Variants in TKFC observed in about 807,000 individuals in gnomAD.
The protein encoded by TKFC is triokinase and FMN cyclase, also known as triokinase/FMN cyclase.
A neutral mutation model predicts 61.0 loss-of-function variants in TKFC; 46 were observed. The observed-to-expected ratio is 0.75, with a 90% CI of 0.60 to 0.96. The LOEUF is 0.96. Among genes scored for constraint, TKFC ranks in the 50% least tolerant of loss-of-function variants. TKFC has a pLI of 0.00. For synonymous variants in TKFC, 314 were observed against 330.1 expected (o/e 0.95, Z 0.53); for missense variants, 715 against 777.5 (o/e 0.92, Z 0.96).
intron 15 of TKFC, 37 bp from the exon 16 acceptor site, chr11:61,345,675 C>T: frequency 6.2e-7 from 1 of 1,614,172 alleles, no homozygotes; most frequent in Non-Finnish European, 8.5e-7. Flanking sequence ...CCCTTGGTTC[C>T]CTATAGTGAG....
chr11:61,339,306 C>T lies in TKFC; in HGVS notation c.357C>T (p.Gly119=). 1 of 1,613,882 alleles carries T rather than the reference C, an allele frequency of 6.2e-7. No individual in the cohort carries two copies. Among genetic ancestry groups the T allele is most frequent in the Non-Finnish European group, 8.5e-7 (1 of 1,179,996 alleles). The change falls in exon 5 of 18, where the codon GGC becomes GGT. Residue 119 remains glycine (G), a synonymous_variant. Coordinates refer to ENST00000394900, the MANE Select transcript of TKFC (RefSeq NM_015533.4). ...ACACTGGGGATCGGCTCAACTTCGG[C>T]CTGGCCCGGGAGCAGGCCCGGGCTG... ...KNYTGDRLNF[G]LAREQARAEG...
chr11:61,348,335 C>T lies in TKFC; in HGVS notation c.*1832C>T. 1 of 889,784 alleles carries T rather than the reference C, an allele frequency of 1.1e-6. No individual in the cohort carries two copies. The highest frequency in any genetic ancestry group is 5.6e-5 in the South Asian group (1 of 17,992). The allele number at this position is 889,784 out of a possible 1,614,324, so 55.1% of individuals were successfully genotyped here. A position where few individuals can be genotyped will look rare whatever the true frequency, so the allele number is the denominator to read the frequency against. On this transcript the variant is annotated 3_prime_UTR_variant, in exon 18 of 18. Transcript: ENST00000394900. ...TGAGCTGCATGTGAATCCACACATG[C>T]CATTCCATGAAGACAGAGGATCATG...
At chr11:61,340,794 C>T (rs148015707) in intron 5 of TKFC, among the ~76,000 whole-genome samples, 1 of 152,318 alleles carries the variant, frequency 6.6e-6, no homozygotes, top group Non-Finnish European at 1.5e-5. Flanking sequence ...CTAACTCCTA[C>T]CATTCTACAG....
At chr11:61,334,841 C>A in intron 2 of TKFC, 110 bp downstream of exon 2, 2 of 1,486,974 alleles carry the variant, frequency 1.3e-6, no homozygotes. Context: ...CTATTGCCTC[C>A]TGAGGCTCAC....
Position 61,343,437 on chromosome 11 carries a change from G to A in TKFC, c.961G>A (p.Glu321Lys), listed in dbSNP as rs146663960. The stretch of plus-strand genomic sequence containing the variant: ...TTCTCTCACCCTCCTGCTGGTGGAT[G>A]AGCCTCTCCTGAAACTGATAGGTGA... ...GISLTLLLVD[E>K]PLLKLIDAET... The change falls in exon 11 of 18, where the codon GAG (glutamate) becomes AAG (lysine). Residue 321 changes from glutamate to lysine, a missense_variant. Glu to Lys is a moderately conservative substitution (Grantham distance 56). Transcript: ENST00000394900. 134 of 1,614,040 alleles carry A rather than the reference G, an allele frequency of 8.3e-5. No homozygotes were observed. Among genetic ancestry groups the A allele is most frequent in the Non-Finnish European group, 1.1e-4 (130 of 1,180,022 alleles).
rs76378932 is a variant in TKFC at position 61,337,905 on chromosome 11, C to G, written c.4-36C>G. 7.3e-4 allele frequency: 1,147 copies of G among 1,571,276 alleles called. 9 individuals are homozygous for G. The African/African-American group carries it at 0.014, about 19-fold the overall frequency. On this transcript the variant is annotated intron_variant, in intron 2 of 17. Transcript: ENST00000394900. Reference sequence around the variant, plus strand: ...CGCAGGATGGGGGTATCTGTACTGACCACATTCTGACCTCCTTCTCACTCC... The same window carrying G: ...CGCAGGATGGGGGTATCTGTACTGAGCACATTCTGACCTCCTTCTCACTCC...
chr11:61,347,425 C>T lies in TKFC; in HGVS notation c.*922C>T. On this transcript the variant is annotated 3_prime_UTR_variant, in exon 18 of 18. Coordinates refer to ENST00000394900, the MANE Select transcript of TKFC (RefSeq NM_015533.4). ...GGCATAGTAGTGTGTGCCTATAGTC[C>T]TAACTTGGGAGGCTGAGTTGGGAGG... is the stretch of plus-strand genomic sequence containing the variant. The T allele has an allele frequency of 4.4e-6, 4 of 909,864 alleles. No individual in the cohort carries two copies. The highest frequency in any genetic ancestry group is 5.3e-6 in the Non-Finnish European group (4 of 761,528). 56.4% of individuals were successfully genotyped at this position (909,864 alleles called of 1,614,324 possible).
chr11:61,341,991 A>G, intron 7 of TKFC, 79 bp downstream of exon 7: 8 of 1,366,858 alleles, frequency 5.9e-6, no homozygotes, highest in Non-Finnish European at 8.1e-6. Context: ...CCTTAGAGCC[A>G]TCAACCTGGT....
intron 11 of TKFC, 81 bp downstream of exon 11, chr11:61,343,539 G>C (rs1175585142): frequency 7.6e-7 from 1 of 1,321,510 alleles, no homozygotes; most frequent in Non-Finnish European, 1.1e-6. Context: ...GACCCCGTCA[G>C]GGCTGACCGT....
intron 13 of TKFC, among the ~76,000 whole-genome samples, chr11:61,344,619 C>G (rs954811476): frequency 1.3e-5 from 2 of 152,136 alleles, no homozygotes; most frequent in Non-Finnish European, 2.9e-5. Flanking sequence ...TCGCCCTGGC[C>G]TCCCAAAGTG....
At chr11:61,344,076 G>T in intron 12 of TKFC, 60 bp from the exon 13 acceptor site, 1 of 1,605,196 alleles carries the variant, frequency 6.2e-7, no homozygotes. Context: ...TCCCACCATA[G>T]TCAAGTGTGG....
At chr11:61,350,464 C>G, downstream of TKFC, 1 of 1,607,026 alleles carries the variant, frequency 6.2e-7, no homozygotes, top group Non-Finnish European at 8.5e-7. Flanking sequence ...TGACATGATG[C>G]AGGAGTCACA....
intron 2 of TKFC, among the ~76,000 whole-genome samples, chr11:61,337,035 G>A (rs957392742): frequency 3.9e-5 from 6 of 152,162 alleles, no homozygotes; most frequent in African/African-American, 9.7e-5. Flanking sequence ...GGGAGGCTGC[G>A]GCCCCTCCTC....
At position 61,348,818 on chromosome 11, in the gene TKFC, A is replaced by G. The variant is rs759650756; in HGVS notation, c.*2315A>G. The G allele has an allele frequency of 3.3e-5, 5 of 152,288 alleles. No homozygotes were observed. The highest frequency in any genetic ancestry group is 9.6e-5 in the African/African-American group (4 of 41,460). 9.4% of individuals were successfully genotyped at this position (152,288 alleles called of 1,614,324 possible). On this transcript the variant is annotated 3_prime_UTR_variant, in exon 18 of 18. Coordinates refer to ENST00000394900, the MANE Select transcript of TKFC (RefSeq NM_015533.4). ...AACAAAGACAGCTTTGATTCTTAACATATTTAATGAAACTCGAGCTTCATA... is the reference window on the plus strand; with the variant it reads ...AACAAAGACAGCTTTGATTCTTAACGTATTTAATGAAACTCGAGCTTCATA...
rs1447263965 is a variant in TKFC, at chr11:61,345,873, C to T, written c.1502C>T (p.Ala501Val). 1.2e-6 allele frequency: 2 copies of T among 1,614,036 alleles called. No individual in the cohort carries two copies. Among genetic ancestry groups the T allele is most frequent in the East Asian group, 4.5e-5 (2 of 44,892 alleles). ...GDRTMLDSLW[A>V]AGQELQAWKS... ...CTTGTCCAGCTGGATTCTCTGTGGG[C>T]AGCGGGGCAGGAGCTCCAAGCCTGG... Residue 501 changes from alanine to valine, a missense_variant, in exon 17 of 18, where the codon GCA becomes GTA. Coordinates refer to ENST00000394900, the MANE Select transcript of TKFC (RefSeq NM_015533.4).
chr11:61,345,370 G>A lies in TKFC; in HGVS notation c.1347+4G>A, dbSNP rs1365852234. On this transcript the variant is annotated splice_donor_region_variant and intron_variant, in intron 14 of 17. Coordinates refer to ENST00000394900, the MANE Select transcript of TKFC (RefSeq NM_015533.4). The stretch of plus-strand genomic sequence containing the variant: ...GATGGGAGGCTCATCTGGGGCGGTG[G>A]GTGCCTGGGGGCTGAAGGGCTGACA... 6.3e-7 allele frequency: 1 copy of A among 1,599,024 alleles called. No individual in the cohort carries two copies. Among genetic ancestry groups the A allele is most frequent in the Non-Finnish European group, 8.6e-7 (1 of 1,168,804 alleles).
intron 5 of TKFC, among the ~76,000 whole-genome samples, chr11:61,340,186 A>G (rs1856798435): frequency 6.6e-6 from 1 of 151,630 alleles, no homozygotes; most frequent in African/African-American, 2.4e-5. Context: ...TAATTTTTGT[A>G]TTTTTAGTAG....
At chr11:61,337,338 G>A (rs1169168696) in intron 2 of TKFC, among the ~76,000 whole-genome samples, 1 of 152,190 alleles carries the variant, frequency 6.6e-6, no homozygotes, top group African/African-American at 2.4e-5. Context: ...TAGAGATGGA[G>A]TCTCATCATG....
rs368110171 is a variant in TKFC at position 61,344,222 on chromosome 11, C to T, written c.1189C>T (p.Arg397Trp). 1.1e-5 allele frequency: 17 copies of T among 1,612,794 alleles called. No homozygotes were observed. Among genetic ancestry groups the T allele is most frequent in the Non-Finnish European group, 1.3e-5 (15 of 1,180,018 alleles). The change falls in exon 13 of 18, where the codon CGG (arginine) becomes TGG (tryptophan). Residue 397 changes from arginine to tryptophan, a missense_variant. By Grantham distance (101) the Arg-to-Trp change is moderately radical. Coordinates refer to ENST00000394900, the MANE Select transcript of TKFC (RefSeq NM_015533.4). ...GLEEHLNALD[R>W]AAGDGDCGTT... Reference sequence around the variant, plus strand: ...GGAGGAACACCTGAATGCCCTGGACCGGGCTGCTGGTGACGGCGACTGTGG... The same window carrying T: ...GGAGGAACACCTGAATGCCCTGGACTGGGCTGCTGGTGACGGCGACTGTGG...
Sources: allele counts gnomAD v4.1 joint callset (sites outside exome capture counted in the v4.1 genomes callset), GRCh38; gene constraint gnomAD v4.1.1; transcripts MANE v1.5; gene names NCBI Gene and HGNC (gene_info 2026-07-23, HGNC 2026-07-21).